The following TGFBRAP1 variants were observed in gnomAD, a reference collection of about 807,000 sequenced individuals.
TGFBRAP1 encodes the protein transforming growth factor beta receptor associated protein 1.
A neutral mutation model predicts 83.2 loss-of-function variants in TGFBRAP1; 20 were observed. That is an observed-to-expected ratio of 0.24 (90% CI 0.17 to 0.35). The LOEUF (loss-of-function observed/expected upper bound fraction) is 0.35. TGFBRAP1 is among the 10% of genes least tolerant of loss of function. The pLI is 1.00. For missense variants in TGFBRAP1, 950 were observed against 1,099.4 expected (o/e 0.86, Z 1.92); for synonymous variants, 415 against 459.8 (o/e 0.90, Z 1.25).
At position 105,308,265 on chromosome 2, in the gene TGFBRAP1, C is replaced by G; in HGVS notation, c.37G>C (p.Val13Leu). The change falls in exon 2 of 12, where the codon GTG becomes CTG. Residue 13 changes from valine (V) to leucine (L), a missense_variant. By Grantham distance (32) the Val-to-Leu change is conservative. Coordinates refer to ENST00000393359, the MANE Select transcript of TGFBRAP1 (RefSeq NM_004257.6). ...SIKAFTLVSA[V>L]ERELLMGDKE... ...TCGCCCATCAGCAGCTCCCGCTCCA[C>G]AGCAGAGACAAGCGTAAAGGCTTTG... 1 of 1,613,994 alleles carries G rather than the reference C, an allele frequency of 6.2e-7. No homozygotes were observed. The highest frequency in any genetic ancestry group is 1.1e-5 in the South Asian group (1 of 91,074).
At chr2:105,308,527 C>T (rs1319245646) in intron 1 of TGFBRAP1, among the ~76,000 whole-genome samples, 1 of 152,314 alleles carries the variant, frequency 6.6e-6, no homozygotes, top group Middle Eastern at 3.4e-3. Context: ...CACATACACA[C>T]ACACACACCC....
intron 2 of TGFBRAP1, among the ~76,000 whole-genome samples, chr2:105,306,809 A>T (rs1424449854): frequency 6.6e-6 from 1 of 152,090 alleles, no homozygotes; most frequent in Non-Finnish European, 1.5e-5. Context: ...AAAACAAAAC[A>T]AACAAACAAA....
downstream of TGFBRAP1, among the ~76,000 whole-genome samples, chr2:105,261,436 G>T (rs1676784035): frequency 6.6e-6 from 1 of 152,156 alleles, no homozygotes; most frequent in African/African-American, 2.4e-5. Flanking sequence ...GGAAGGACTT[G>T]TGAAACCTAG....
intron 2 of TGFBRAP1, among the ~76,000 whole-genome samples, chr2:105,304,838 G>C (rs1273373583): frequency 6.6e-6 from 1 of 152,086 alleles, no homozygotes; most frequent in East Asian, 1.9e-4. Context: ...ATCTGAAAAG[G>C]CTACATACTG....
chr2:105,309,938 T>C (rs1419509711), intron 1 of TGFBRAP1, among the ~76,000 whole-genome samples: 3 of 152,116 alleles, frequency 2.0e-5, no homozygotes, highest in Non-Finnish European at 4.4e-5. Context: ...ATCCACTATG[T>C]GAGGAGGCAG....
At chr2:105,303,071 G>A (rs1391783580) in intron 2 of TGFBRAP1, among the ~76,000 whole-genome samples, 1 of 152,186 alleles carries the variant, frequency 6.6e-6, no homozygotes, top group East Asian at 1.9e-4. Flanking sequence ...GTGGTTGAAA[G>A]GAGATACAGG....
chr2:105,276,584 T>C (rs771477787), intron 7 of TGFBRAP1, among the ~76,000 whole-genome samples: 4 of 152,224 alleles, frequency 2.6e-5, no homozygotes, highest in Non-Finnish European at 5.9e-5. Context: ...TATAAAATTC[T>C]ACCACGTATG....
chr2:105,309,311 G>C (rs1209728562), intron 1 of TGFBRAP1, among the ~76,000 whole-genome samples: 2 of 152,318 alleles, frequency 1.3e-5, no homozygotes, highest in African/African-American at 4.8e-5. Flanking sequence ...GGAGCTGCAG[G>C]GCAGCTGGCT....
At chr2:105,324,972 A>G (rs1486246932) in intron 1 of TGFBRAP1, 1 of 152,294 alleles carries the variant, frequency 6.6e-6, no homozygotes, top group Non-Finnish European at 1.5e-5. Context: ...TGATGATCTT[A>G]GGCAACTCAC....
chr2:105,269,648 C>T lies in TGFBRAP1; in HGVS notation c.2030G>A (p.Gly677Asp). 1.3e-6 allele frequency: 2 copies of T among 1,590,286 alleles called. No homozygotes were observed. The highest frequency in any genetic ancestry group is 1.7e-6 in the Non-Finnish European group (2 of 1,165,200). Residue 677 changes from glycine (G) to aspartate (D), a missense_variant, in exon 11 of 12, where the codon GGC becomes GAC. Transcript: ENST00000393359. The surrounding 1 kb of genome is among the most constrained non-coding windows in gnomAD (Gnocchi z 4.1). ...MESAILHGKL[G>D]EHEKALHILV... is the part of the protein sequence containing the mutation. ...GATATGCAGCGCCTTCTCATGCTCG[C>T]CCAGCTTCCCGTGCAGGATGGCGCT...
rs116565796 is a variant in TGFBRAP1, at chr2:105,328,811, T to C, written c.-18+814A>G. Among the ~76,000 whole-genome samples, 158 of 152,332 alleles carry C rather than the reference T, an allele frequency of 1.0e-3. 1 individual carries two copies. The highest frequency in any genetic ancestry group is 3.6e-3 in the African/African-American group (149 of 41,586). On this transcript the variant is annotated intron_variant, in intron 1 of 11. Transcript: ENST00000393359. ...TGTGTGATCTGTGAGCCCCCATTTT[T>C]AGCAGCCAGGTAGGAGGCTTCCTGA... is the stretch of plus-strand genomic sequence containing the variant.
At chr2:105,252,674 T>G in the TGFBRAP1 span, among the ~76,000 whole-genome samples, 1 of 152,110 alleles carries the variant, frequency 6.6e-6, no homozygotes. Context: ...CCCTACCTTC[T>G]TCTCTGGTTT....
Position 105,307,737 on chromosome 2 carries a change from T to G in TGFBRAP1, c.565A>C (p.Ile189Leu), listed in dbSNP as rs1258296321. The G allele has an allele frequency of 6.2e-7, 1 of 1,614,122 alleles. No homozygotes were observed. The highest frequency in any genetic ancestry group is 8.5e-7 in the Non-Finnish European group (1 of 1,180,020). The change falls in exon 2 of 12, where the codon ATC becomes CTC. Residue 189 changes from isoleucine to leucine, a missense_variant. Ile to Leu is a conservative substitution (Grantham distance 5). Transcript: ENST00000393359. ...ACGCCTGTGCTGTAATTGTGGATGA[T>G]GTACTGAGTGGTCAGAGCCAGACAC... is the stretch of plus-strand genomic sequence containing the variant. ...FLCLALTTQYIIHNYSTGVSQ... is the reference protein window; with the variant it reads ...FLCLALTTQYLIHNYSTGVSQ...
At chr2:105,278,537 G>A (rs2576739) in intron 6 of TGFBRAP1, among the ~76,000 whole-genome samples, 2 of 151,970 alleles carry the variant, frequency 1.3e-5, no homozygotes, top group African/African-American at 2.4e-5. Context: ...TATAACCCGC[G>A]TGACCTTGAG....
the TGFBRAP1 span, among the ~76,000 whole-genome samples, chr2:105,259,041 G>T: frequency 6.6e-6 from 1 of 152,214 alleles, no homozygotes; most frequent in Non-Finnish European, 1.5e-5. Context: ...TGGGAGCAGA[G>T]ATAATGATGG....
At position 105,280,478 on chromosome 2, in the gene TGFBRAP1, T is replaced by A. The variant is rs754904972; in HGVS notation, c.1367A>T (p.Tyr456Phe). ...EDIDTALLKLYAEADHDSLLD... is the reference protein window; with the variant it reads ...EDIDTALLKLFAEADHDSLLD... ...CAGGCTGTCGTGGTCAGCCTCTGCA[T>A]ACAGTTTGAGCAAGGCTGTGTCGAT... Residue 456 changes from tyrosine (Y) to phenylalanine (F), a missense_variant, in exon 6 of 12, where the codon TAT becomes TTT. Physicochemically the swap from Tyr to Phe is conservative, Grantham distance 22. Transcript: ENST00000393359. 1 of 1,614,214 alleles carries A rather than the reference T, an allele frequency of 6.2e-7. No homozygotes were observed.
Position 105,273,597 on chromosome 2 carries a change from G to A in TGFBRAP1, c.1759C>T (p.Pro587Ser), listed in dbSNP as rs760439107. The A allele has an allele frequency of 1.9e-6, 3 of 1,614,038 alleles. No individual in the cohort carries two copies. Among genetic ancestry groups the A allele is most frequent in the South Asian group, 2.2e-5 (2 of 91,060 alleles). ...DDIINCLKKYPKALVKYLEHL... is the reference protein window; with the variant it reads ...DDIINCLKKYSKALVKYLEHL... ...TCCAGATACTTCACAAGGGCTTTAGGGTATTTTTTAAGGCAATTGATAATG... is the reference window on the plus strand; with the variant it reads ...TCCAGATACTTCACAAGGGCTTTAGAGTATTTTTTAAGGCAATTGATAATG... Residue 587 changes from proline (P) to serine (S), a missense_variant, in exon 9 of 12, where the codon CCT becomes TCT. Pro to Ser is a moderately conservative substitution (Grantham distance 74). Coordinates refer to ENST00000393359, the MANE Select transcript of TGFBRAP1 (RefSeq NM_004257.6).
intron 7 of TGFBRAP1, among the ~76,000 whole-genome samples, chr2:105,276,318 G>A (rs1677344473): frequency 6.6e-6 from 1 of 152,140 alleles, no homozygotes; most frequent in African/African-American, 2.4e-5. Context: ...CCCAGAATGA[G>A]GCAGCATCAC....
intron 1 of TGFBRAP1, among the ~76,000 whole-genome samples, chr2:105,317,666 T>C (rs1027800272): frequency 1.3e-5 from 2 of 152,194 alleles, no homozygotes; most frequent in Non-Finnish European, 2.9e-5. Flanking sequence ...ATGTACTGTT[T>C]CTGTTCTTCA....
Sources: allele counts gnomAD v4.1 joint callset (sites outside exome capture counted in the v4.1 genomes callset), GRCh38; gene constraint gnomAD v4.1.1; non-coding constraint Gnocchi (gnomAD v3.1); transcripts MANE v1.5; gene names NCBI Gene and HGNC (gene_info 2026-07-23, HGNC 2026-07-21).